NUP133: variants seen among roughly 807,000 people sequenced by gnomAD.
The protein encoded by NUP133 is nucleoporin 133, also known as nuclear pore complex protein Nup133.
A neutral mutation model predicts 146.2 loss-of-function variants in NUP133; 66 were observed. That is an observed-to-expected ratio of 0.45 (90% confidence interval 0.37 to 0.55). The LOEUF is 0.55. Ranked by LOEUF, NUP133 falls within the 20% of genes least tolerant of loss-of-function variation. NUP133 has a pLI of 0.00. For missense variants in NUP133, 1,277 were observed against 1,374.8 expected (o/e 0.93, Z 1.12); for synonymous variants, 521 against 498.8 (o/e 1.04, Z -0.59).
At chr1:229,443,918 TA>T (rs770877003) in intron 25 of NUP133, among the ~76,000 whole-genome samples, 23,299 of 127,750 alleles carry the variant, frequency 0.18, 2,571 homozygotes, top group African/African-American at 0.31. Flanking sequence ...TTTTTTTTTT[TA>T]AAATAGGGAC....
At position 229,493,303 on chromosome 1, in the gene NUP133, G is replaced by A. The variant is rs115583003; in HGVS notation, c.1046+2192C>T. On this transcript the variant is annotated intron_variant, in intron 8 of 25. Transcript: ENST00000261396. Reference sequence around the variant, plus strand: ...AGTGATCCTCTCGCCTCAGCCTTCTGAATAGCTGGGACTATGGTACACACC... The same window carrying A: ...AGTGATCCTCTCGCCTCAGCCTTCTAAATAGCTGGGACTATGGTACACACC... Among the ~76,000 whole-genome samples the A allele has an allele frequency of 3.3e-3, 510 of 152,284 alleles. 3 individuals carry two copies. The highest frequency in any genetic ancestry group is 0.012 in the African/African-American group (494 of 41,570).
At chr1:229,484,920 T>C (rs949658782) in intron 11 of NUP133, among the ~76,000 whole-genome samples, 34 of 152,066 alleles carry the variant, frequency 2.2e-4, no homozygotes, top group African/African-American at 8.2e-4. Flanking sequence ...GAAAAAAAAG[T>C]TAAAAATTGT....
chr1:229,481,368 T>C (rs891917532), intron 12 of NUP133, among the ~76,000 whole-genome samples: 5 of 152,028 alleles, frequency 3.3e-5, no homozygotes, highest in African/African-American at 4.8e-5. Flanking sequence ...CAGATACAAT[T>C]TGTTAAATTA....
At position 229,441,884 on chromosome 1, in the gene NUP133, A is replaced by G; in HGVS notation, c.*20T>C. On this transcript the variant is annotated 3_prime_UTR_variant, in exon 26 of 26. Transcript: ENST00000261396. ...CACACTTATACAGATTTCATAAACA[A>G]TGGCCATTTTTAGAAAAAGTTATAT... 6.5e-7 allele frequency: 1 copy of G among 1,543,202 alleles called. No homozygotes were observed. The highest frequency in any genetic ancestry group is 8.7e-7 in the Non-Finnish European group (1 of 1,147,494).
chr1:229,505,174 C>T (rs1304577577), intron 2 of NUP133, among the ~76,000 whole-genome samples: 1 of 152,184 alleles, frequency 6.6e-6, no homozygotes, highest in African/African-American at 2.4e-5. Context: ...CTGTTTGTCA[C>T]TTAGTAGCTG....
At chr1:229,458,027 T>G in intron 21 of NUP133, 134 bp downstream of exon 21, 1 of 837,164 alleles carries the variant, frequency 1.2e-6, no homozygotes, top group Non-Finnish European at 1.8e-6. Context: ...CACATGGACA[T>G]TAACTAAATG....
At chr1:229,506,619 C>T (rs994983966) in intron 1 of NUP133, among the ~76,000 whole-genome samples, 1 of 151,774 alleles carries the variant, frequency 6.6e-6, no homozygotes, top group African/African-American at 2.4e-5. Flanking sequence ...AAGAGTCCAC[C>T]AGACCTGGCC....
chr1:229,478,785 G>C (rs1571925601), intron 12 of NUP133, among the ~76,000 whole-genome samples: 1 of 152,158 alleles, frequency 6.6e-6, no homozygotes, highest in African/African-American at 2.4e-5. Context: ...TATGGGGTTT[G>C]AACCTAATAC....
intron 21 of NUP133, among the ~76,000 whole-genome samples, chr1:229,456,653 G>A (rs1660564607): frequency 6.6e-6 from 1 of 151,766 alleles, no homozygotes; most frequent in Admixed American, 6.6e-5. Flanking sequence ...ATGGAACTAG[G>A]TATACTCATG....
At chr1:229,484,879 A>C (rs1270789936) in intron 11 of NUP133, among the ~76,000 whole-genome samples, 1 of 150,922 alleles carries the variant, frequency 6.6e-6, no homozygotes, top group African/African-American at 2.4e-5. Context: ...ACAAAATACA[A>C]AATGCAAGGT....
At chr1:229,460,522 T>C in intron 20 of NUP133, 89 bp downstream of exon 20, 1 of 1,311,000 alleles carries the variant, frequency 7.6e-7, no homozygotes, top group Non-Finnish European at 1.1e-6. Flanking sequence ...TATATGACAG[T>C]AAACAGTATT....
chr1:229,490,172 C>G, intron 8 of NUP133, 70 bp from the exon 9 acceptor site: 1 of 1,293,980 alleles, frequency 7.7e-7, no homozygotes, highest in South Asian at 2.0e-5. Context: ...TAAAATTAAA[C>G]ATATGCTTCC....
chr1:229,452,469 A>G (rs2102749599), intron 22 of NUP133, 56 bp downstream of exon 22: 3 of 1,404,742 alleles, frequency 2.1e-6, no homozygotes, highest in East Asian at 2.3e-5. Context: ...GGCCCAACAA[A>G]CACCAAAAAG....
intron 11 of NUP133, 146 bp downstream of exon 11, chr1:229,486,225 G>A (rs763988835): frequency 6.0e-5 from 40 of 670,982 alleles, no homozygotes; most frequent in Non-Finnish European, 8.7e-5. Context: ...GGAAGTCTGA[G>A]GCAGGAGGAT....
chr1:229,447,335 T>C (rs1660323399), intron 24 of NUP133, among the ~76,000 whole-genome samples: 1 of 152,208 alleles, frequency 6.6e-6, no homozygotes, highest in African/African-American at 2.4e-5. Context: ...ACAATATGGT[T>C]AGAAGGTTAT....
chr1:229,446,829 C>CA (rs1479936714), intron 24 of NUP133, among the ~76,000 whole-genome samples: 1 of 151,884 alleles, frequency 6.6e-6, no homozygotes, highest in African/African-American at 2.4e-5. Flanking sequence ...CTCACTTCTG[C>CA]AAAAATAAGG....
chr1:229,471,325 T>C (rs921642253), intron 14 of NUP133, among the ~76,000 whole-genome samples: 1 of 152,080 alleles, frequency 6.6e-6, no homozygotes, highest in Non-Finnish European at 1.5e-5. Flanking sequence ...CCCAGGCTGA[T>C]CTTGGCCACA....
chr1:229,473,721 G>A (rs113247591), intron 14 of NUP133, among the ~76,000 whole-genome samples: 4,113 of 152,114 alleles, frequency 0.027, 158 homozygotes, highest in African/African-American at 0.085. Flanking sequence ...TTAAGAGTTC[G>A]AAACTAGCCT....
At chr1:229,454,866 TAA>T (rs1024081907) in intron 21 of NUP133, among the ~76,000 whole-genome samples, 1 of 151,940 alleles carries the variant, frequency 6.6e-6, no homozygotes, top group Non-Finnish European at 1.5e-5. Flanking sequence ...GTGCAAAAAA[TAA>T]AAAGATTGAA....
Sources: gnomAD v4.1 joint callset for allele counts (sites outside exome capture counted in the v4.1 genomes callset) on GRCh38, gnomAD v4.1.1 for gene constraint, MANE v1.5 for transcripts, NCBI Gene and HGNC (gene_info 2026-07-23, HGNC 2026-07-21) for gene names.